LRMDA: variants seen among roughly 807,000 people sequenced by gnomAD.
LRMDA encodes leucine-rich melanocyte differentiation-associated protein.
In LRMDA, 18 loss-of-function variants were observed where a neutral mutation model predicts 29.8. That is an observed-to-expected ratio of 0.60 (90% CI 0.42 to 0.90). LRMDA has a LOEUF of 0.90. Ranked by LOEUF, LRMDA falls within the 40% of genes least tolerant of loss-of-function variation. LRMDA has a pLI of 0.00. For synonymous variants in LRMDA, 125 were observed against 109.4 expected, an observed-to-expected ratio of 1.14 and a Z score of -0.89; for missense variants, 273 against 273.9, an observed-to-expected ratio of 1.00 and a Z score of 0.02.
At position 76,203,065 on chromosome 10, in the gene LRMDA, G is replaced by A. The variant is rs1851463063; in HGVS notation, c.517-121336G>A. Among the ~76,000 whole-genome samples, 4 of 152,290 alleles carry A rather than the reference G, an allele frequency of 2.6e-5. 1 individual carries two copies. In the South Asian group the frequency reaches 8.3e-4, roughly 32 times the overall value. On this transcript the variant is annotated intron_variant, in intron 5 of 6. Transcript: ENST00000611255. ...TTTTCTAAAAACTCAGCCCTGTGCT[G>A]AGCTTTTGGTCAGAAGAATGGAAAT...
At chr10:75,729,552 A>T (rs1483208857) in intron 2 of LRMDA, among the ~76,000 whole-genome samples, 2 of 152,162 alleles carry the variant, frequency 1.3e-5, no homozygotes, top group African/African-American at 2.4e-5. Context: ...GACTGCTGAA[A>T]CCAAGAGAGT....
intron 2 of LRMDA, among the ~76,000 whole-genome samples, chr10:76,025,259 G>A (rs868803342): frequency 1.4e-4 from 21 of 148,714 alleles, no homozygotes; most frequent in Admixed American, 4.7e-4. Context: ...AATGATGGGA[G>A]CAAAACATGG....
chr10:76,127,675 G>A (rs556563486), intron 5 of LRMDA, among the ~76,000 whole-genome samples: 39 of 149,782 alleles, frequency 2.6e-4, no homozygotes, highest in African/African-American at 9.6e-4. Context: ...AGTTGTAAAA[G>A]CTTGGGAGGA....
chr10:75,872,294 C>T lies in LRMDA; in HGVS notation c.132-163714C>T, dbSNP rs1255276880. ...CCTTCTGATTCGTTCTATTCTCTCTCTCTCTCTTTTTTTTTTTAATTTTTG... is the reference window on the plus strand; with the variant it reads ...CCTTCTGATTCGTTCTATTCTCTCTTTCTCTCTTTTTTTTTTTAATTTTTG... On this transcript the variant is annotated intron_variant, in intron 2 of 6. Transcript: ENST00000611255. Among the ~76,000 whole-genome samples, 3 of 151,262 alleles carry T rather than the reference C, an allele frequency of 2.0e-5. No homozygotes were observed. In the East Asian group the frequency reaches 5.8e-4, roughly 29 times the overall value.
At chr10:76,526,659 A>G (rs1041325643) in intron 6 of LRMDA, among the ~76,000 whole-genome samples, 1 of 151,930 alleles carries the variant, frequency 6.6e-6, no homozygotes, top group African/African-American at 2.4e-5. Context: ...AAGACTTGAA[A>G]CTTTGCTAGA....
intron 2 of LRMDA, among the ~76,000 whole-genome samples, chr10:75,555,991 C>CA (rs1840208876): frequency 2.0e-5 from 3 of 152,014 alleles, no homozygotes. Flanking sequence ...AATGAAAGAT[C>CA]AATAGACATT....
At chr10:75,964,613 A>C (rs1348251310) in intron 2 of LRMDA, among the ~76,000 whole-genome samples, 6 of 152,222 alleles carry the variant, frequency 3.9e-5, no homozygotes, top group Admixed American at 3.3e-4. Context: ...ACCATAAAGC[A>C]GATCTCTGCA....
chr10:76,126,979 TG>T (rs1849895031), intron 5 of LRMDA, among the ~76,000 whole-genome samples: 2 of 152,248 alleles, frequency 1.3e-5, no homozygotes, highest in South Asian at 4.1e-4. Context: ...AAATTGAGCC[TG>T]GGGAGCAGAT....
intron 2 of LRMDA, among the ~76,000 whole-genome samples, chr10:75,826,725 G>A (rs1001911288): frequency 1.3e-5 from 2 of 152,148 alleles, no homozygotes; most frequent in African/African-American, 4.8e-5. Flanking sequence ...CCTTGCAAAA[G>A]CAAAAGATAT....
In LRMDA at chr10:76,111,684, T is replaced by C. The variant is rs576905516; in HGVS notation, c.516+52901T>C. On this transcript the variant is annotated intron_variant, in intron 5 of 6. Coordinates refer to ENST00000611255, the MANE Select transcript of LRMDA (RefSeq NM_001305581.2). ...ACACAAGAAAACTTTACTGTAATTA[T>C]ATGCAGACGTATACAAAGGATAAAT... Among the ~76,000 whole-genome samples, 18 of 152,368 alleles carry C rather than the reference T, an allele frequency of 1.2e-4. No homozygotes were observed. In the East Asian group the frequency reaches 2.5e-3, roughly 21 times the overall value.
At chr10:75,567,363 C>G (rs557233225) in intron 2 of LRMDA, among the ~76,000 whole-genome samples, 1 of 152,270 alleles carries the variant, frequency 6.6e-6, no homozygotes, top group South Asian at 2.1e-4. Flanking sequence ...GTGGCATCCC[C>G]CTACTAACTA....
chr10:76,405,907 A>G (rs778821933), intron 6 of LRMDA, among the ~76,000 whole-genome samples: 7 of 151,738 alleles, frequency 4.6e-5, no homozygotes, highest in Admixed American at 2.0e-4. Context: ...AATTGTCTGT[A>G]TTTGTGAGGG....
At chr10:75,670,252 A>G (rs1394026487) in intron 2 of LRMDA, among the ~76,000 whole-genome samples, 1 of 152,262 alleles carries the variant, frequency 6.6e-6, no homozygotes, top group Non-Finnish European at 1.5e-5. Context: ...CTTGCAATGT[A>G]TGTTTACTTT....
At position 75,665,238 on chromosome 10, in the gene LRMDA, G is replaced by A. The variant is rs1299725085; in HGVS notation, c.131+226744G>A. On this transcript the variant is annotated intron_variant, in intron 2 of 6. Coordinates refer to ENST00000611255, the MANE Select transcript of LRMDA (RefSeq NM_001305581.2). Reference sequence around the variant, plus strand: ...GAATTCTGGCCTTTTAGAATTTGAAGTGACTTTTCAGATCTCTTTACAGAT... The same window carrying A: ...GAATTCTGGCCTTTTAGAATTTGAAATGACTTTTCAGATCTCTTTACAGAT... Among the ~76,000 whole-genome samples the A allele has an allele frequency of 3.9e-5, 6 of 152,184 alleles. No homozygotes were observed. In the East Asian group the frequency reaches 1.2e-3, roughly 29 times the overall value.
chr10:76,445,148 C>T (rs1239914370), intron 6 of LRMDA, among the ~76,000 whole-genome samples: 1 of 152,146 alleles, frequency 6.6e-6, no homozygotes, highest in Non-Finnish European at 1.5e-5. Context: ...CCAGGAATGC[C>T]TACCCTTCTC....
At chr10:75,875,666 A>G (rs908272256) in intron 2 of LRMDA, among the ~76,000 whole-genome samples, 3 of 152,346 alleles carry the variant, frequency 2.0e-5, no homozygotes, top group Admixed American at 6.5e-5. Flanking sequence ...TCCTGACCTC[A>G]GGTGATCCAC....
intron 2 of LRMDA, among the ~76,000 whole-genome samples, chr10:75,544,279 A>T (rs948510489): frequency 1.2e-4 from 18 of 152,170 alleles, no homozygotes; most frequent in African/African-American, 3.4e-4. Context: ...AACTCCCTAC[A>T]TTTATTGTTA....
chr10:76,292,708 C>T (rs1840356901), intron 5 of LRMDA, among the ~76,000 whole-genome samples: 1 of 151,882 alleles, frequency 6.6e-6, no homozygotes, highest in South Asian at 2.1e-4. Flanking sequence ...TTGTGTCGCT[C>T]CTGCATTCTA....
At chr10:76,459,983 A>G (rs1842495703) in intron 6 of LRMDA, among the ~76,000 whole-genome samples, 1 of 152,162 alleles carries the variant, frequency 6.6e-6, no homozygotes, top group South Asian at 2.1e-4. Flanking sequence ...AGGTGTGGCC[A>G]TTGCCTCTGG....
Sources: allele counts gnomAD v4.1 joint callset (sites outside exome capture counted in the v4.1 genomes callset), GRCh38; gene constraint gnomAD v4.1.1; transcripts MANE v1.5; gene names NCBI Gene and HGNC (gene_info 2026-07-23, HGNC 2026-07-21).